The following C3orf49 variants were observed in gnomAD, a reference collection of about 807,000 sequenced individuals.
The protein encoded by C3orf49 is chromosome 3 open reading frame 49.
In C3orf49, 27 loss-of-function variants were observed where a neutral mutation model predicts 13.3. The observed-to-expected ratio is 2.02, with a 90% CI of 1.49 to 2.79. The LOEUF (loss-of-function observed/expected upper bound fraction) is 2.79, where lower values mean the gene tolerates loss of function less well. Among genes scored for constraint, C3orf49 ranks in the 30% most tolerant of loss-of-function variants. The pLI, the probability that C3orf49 is intolerant of heterozygous loss-of-function variation, is 0.00. For missense variants in C3orf49, 242 were observed against 134.2 expected (o/e 1.80, Z -3.97); for synonymous variants, 87 against 47.6 (o/e 1.83, Z -3.40).
At chr3:63,820,869 A>C (rs1198515735) in intron 1 of C3orf49, among the ~76,000 whole-genome samples, 4 of 152,002 alleles carry the variant, frequency 2.6e-5, no homozygotes, top group Admixed American at 1.3e-4. Flanking sequence ...ATATATGTAC[A>C]TTTTGCAGAA....
chr3:63,794,212 C>T, the C3orf49 span, among the ~76,000 whole-genome samples: 1 of 151,318 alleles, frequency 6.6e-6, no homozygotes, highest in African/African-American at 2.4e-5. Context: ...GTTGGAAGGG[C>T]AAAAGAACGA....
intron 6 of C3orf49, among the ~76,000 whole-genome samples, chr3:63,847,457 G>A (rs996248221): frequency 7.9e-5 from 12 of 152,194 alleles, no homozygotes; most frequent in Non-Finnish European, 7.3e-5. Context: ...TGAAAAGAAG[G>A]CCGGGTGCAG....
intron 5 of C3orf49, among the ~76,000 whole-genome samples, chr3:63,840,569 T>C (rs889169190): frequency 3.3e-5 from 5 of 152,100 alleles, no homozygotes; most frequent in African/African-American, 9.7e-5. Context: ...CCAGCGCCTA[T>C]TGGCAACAAA....
the C3orf49 span, among the ~76,000 whole-genome samples, chr3:63,781,646 A>C: frequency 6.6e-6 from 1 of 152,074 alleles, no homozygotes; most frequent in Non-Finnish European, 1.5e-5. Flanking sequence ...TATTTAATAA[A>C]CTTGTTTAAA....
chr3:63,820,047 A>G (rs1437798465), intron 1 of C3orf49, among the ~76,000 whole-genome samples: 2 of 152,236 alleles, frequency 1.3e-5, no homozygotes, highest in Non-Finnish European at 2.9e-5. Flanking sequence ...TGTTTAATGT[A>G]ACGTTAAAAC....
upstream of C3orf49, among the ~76,000 whole-genome samples, chr3:63,819,200 G>A (rs1312593511): frequency 1.3e-5 from 2 of 152,106 alleles, no homozygotes; most frequent in African/African-American, 4.8e-5. Flanking sequence ...AATCTGTGAA[G>A]TGTTCCACAA....
At chr3:63,797,730 T>C in the C3orf49 span, among the ~76,000 whole-genome samples, 2 of 152,170 alleles carry the variant, frequency 1.3e-5, no homozygotes, top group East Asian at 3.9e-4. Flanking sequence ...AGAAAAGTTT[T>C]GATTTTCATT....
At chr3:63,781,988 G>A in the C3orf49 span, among the ~76,000 whole-genome samples, 1 of 152,276 alleles carries the variant, frequency 6.6e-6, no homozygotes, top group East Asian at 1.9e-4. Context: ...TTGACCCCGA[G>A]CCTATCTGGC....
At chr3:63,831,659 C>A (rs1488505857) in intron 4 of C3orf49, 21 bp from the exon 5 acceptor site, 1 of 697,488 alleles carries the variant, frequency 1.4e-6, no homozygotes, top group Admixed American at 2.1e-5. Flanking sequence ...GGCTTCATTT[C>A]TTTGTATTTA....
Position 63,831,197 on chromosome 3 carries a change from T to G in C3orf49, c.658T>G (p.Leu220Val). Residue 220 changes from leucine (L) to valine (V), a missense_variant, in exon 4 of 7, where the codon TTG becomes GTG. Physicochemically the swap from Leu to Val is conservative, Grantham distance 32. Transcript: ENST00000295896. The stretch of plus-strand genomic sequence containing the variant: ...GGAAAACATCCTTCGAAAATCAGAT[T>G]TGACAGTAGGAAAGCTTCAAATGCA... ...GMENILRKSDLTVGKLQMQVD... is the reference protein window; with the variant it reads ...GMENILRKSDVTVGKLQMQVD... The G allele has an allele frequency of 1.4e-6, 1 of 702,930 alleles. No individual in the cohort carries two copies. The highest frequency in any genetic ancestry group is 2.6e-6 in the Non-Finnish European group (1 of 384,984). The allele number at this position is 702,930 out of a possible 1,614,324, so 43.5% of individuals were successfully genotyped here.
chr3:63,806,158 T>C, the C3orf49 span, among the ~76,000 whole-genome samples: 12 of 152,216 alleles, frequency 7.9e-5, no homozygotes, highest in Non-Finnish European at 1.5e-4. Context: ...GGTGATCAAA[T>C]ACCTCAGCTT....
At chr3:63,786,264 T>A in the C3orf49 span, among the ~76,000 whole-genome samples, 2 of 152,118 alleles carry the variant, frequency 1.3e-5, no homozygotes, top group Non-Finnish European at 2.9e-5. Flanking sequence ...ATGATGATGA[T>A]GAAGTTATAT....
At chr3:63,786,410 C>G in the C3orf49 span, among the ~76,000 whole-genome samples, 1 of 152,112 alleles carries the variant, frequency 6.6e-6, no homozygotes, top group African/African-American at 2.4e-5. Context: ...TCTCACAACA[C>G]TTCCCCCAAT....
At chr3:63,802,220 A>G in the C3orf49 span, among the ~76,000 whole-genome samples, 3 of 152,132 alleles carry the variant, frequency 2.0e-5, no homozygotes, top group African/African-American at 7.2e-5. Context: ...AAGCTTTGCT[A>G]TTGTTTCTGC....
chr3:63,791,702 C>T, the C3orf49 span, among the ~76,000 whole-genome samples: 1 of 152,212 alleles, frequency 6.6e-6, no homozygotes, highest in Admixed American at 6.5e-5. Flanking sequence ...CAGTAATATT[C>T]ACCATGAATT....
chr3:63,846,257 G>A (rs755057130), intron 6 of C3orf49: 7 of 442,116 alleles, frequency 1.6e-5, no homozygotes, highest in South Asian at 6.4e-5. Flanking sequence ...TAAGAGAATC[G>A]TCTGAAAAAT....
intron 1 of C3orf49, among the ~76,000 whole-genome samples, chr3:63,821,653 A>G (rs1053046070): frequency 3.3e-5 from 5 of 152,148 alleles, no homozygotes; most frequent in Non-Finnish European, 7.4e-5. Context: ...CAAAATCTGG[A>G]TGAATGCCCA....
At chr3:63,793,259 A>T in the C3orf49 span, among the ~76,000 whole-genome samples, 2 of 152,180 alleles carry the variant, frequency 1.3e-5, no homozygotes, top group Non-Finnish European at 2.9e-5. Flanking sequence ...CCTTTAAGCA[A>T]CCACCAGGAC....
At chr3:63,808,242 T>TA in the C3orf49 span, among the ~76,000 whole-genome samples, 1 of 152,242 alleles carries the variant, frequency 6.6e-6, no homozygotes, top group African/African-American at 2.4e-5. Flanking sequence ...CACTATGATT[T>TA]GTCATTCATT....
Sources: gnomAD v4.1 joint callset for allele counts (sites outside exome capture counted in the v4.1 genomes callset) on GRCh38, gnomAD v4.1.1 for gene constraint, MANE v1.5 for transcripts, NCBI Gene and HGNC (gene_info 2026-07-23, HGNC 2026-07-21) for gene names.